The following WSCD1 variants were observed in gnomAD, a reference collection of about 807,000 sequenced individuals.
WSCD1 encodes the protein sialate:O-sulfotransferase 1.
WSCD1 carries 41 observed loss-of-function variants against 60.4 expected under a neutral mutation model. That is an observed-to-expected ratio of 0.68 (90% CI 0.53 to 0.88). The LOEUF (loss-of-function observed/expected upper bound fraction) is 0.88. Among genes scored for constraint, WSCD1 ranks in the 40% least tolerant of loss-of-function variants. WSCD1 has a pLI of 0.00. For synonymous variants in WSCD1, 361 were observed against 332.5 expected, an observed-to-expected ratio of 1.09 and a Z score of -0.93; for missense variants, 784 against 796.2, an observed-to-expected ratio of 0.98 and a Z score of 0.18.
At chr17:6,079,584 A>C (rs1026960400) in intron 1 of WSCD1, among the ~76,000 whole-genome samples, 1 of 152,078 alleles carries the variant, frequency 6.6e-6, no homozygotes, top group African/African-American at 2.4e-5. Flanking sequence ...TGGTCCTTTG[A>C]TTCTGGCCTC....
At chr17:6,073,201 T>C (rs1908649339) in intron 1 of WSCD1, among the ~76,000 whole-genome samples, 1 of 152,236 alleles carries the variant, frequency 6.6e-6, no homozygotes, top group South Asian at 2.1e-4. Flanking sequence ...CTTGTCCACC[T>C]GTATCCAACT....
In WSCD1 at chr17:6,075,375, C is replaced by G. The variant is rs1010889691; in HGVS notation, c.-289+4723C>G. On this transcript the variant is annotated intron_variant, in intron 1 of 8. Coordinates refer to ENST00000317744, the MANE Select transcript of WSCD1 (RefSeq NM_015253.2). The surrounding 1 kb of genome is among the most constrained non-coding windows in gnomAD (Gnocchi z 4.1). Reference sequence around the variant, plus strand: ...CCAGCTCCGAGTTCTATCTTGCAGCCCCCAGCCCCAGGGACTGCCTCCTCT... The same window carrying G: ...CCAGCTCCGAGTTCTATCTTGCAGCGCCCAGCCCCAGGGACTGCCTCCTCT... 6.6e-6 allele frequency among the ~76,000 whole-genome samples: 1 copy of G among 152,100 alleles called. No individual in the cohort carries two copies. Among genetic ancestry groups the G allele is most frequent in the Admixed American group, 6.6e-5 (1 of 15,266 alleles).
intron 5 of WSCD1, among the ~76,000 whole-genome samples, chr17:6,107,900 G>T (rs879114204): frequency 1.1e-4 from 17 of 152,162 alleles, no homozygotes; most frequent in Admixed American, 1.1e-3. Context: ...GTGGTGTAGG[G>T]GCCGTGAGGA....
chr17:6,098,670 G>A (rs989069774), intron 5 of WSCD1, among the ~76,000 whole-genome samples: 5 of 152,226 alleles, frequency 3.3e-5, no homozygotes, highest in Admixed American at 2.6e-4. Context: ...GACTGGGAGG[G>A]TGGTGTTTCC....
Position 6,120,725 on chromosome 17 carries a change from C to A in WSCD1, c.*64C>A. The A allele has an allele frequency of 6.6e-7, 1 of 1,513,040 alleles. No individual in the cohort carries two copies. The highest frequency in any genetic ancestry group is 8.9e-7 in the Non-Finnish European group (1 of 1,118,732). 93.7% of individuals were successfully genotyped at this position (1,513,040 alleles called of 1,614,324 possible). A position where few individuals can be genotyped will look rare whatever the true frequency, so the allele number is the denominator to read the frequency against. Reference sequence around the variant, plus strand: ...AATCGCACCACGGGGCTGCGCTCCCCACTCTGATGCTCAGGCCCGTGGCCT... The same window carrying A: ...AATCGCACCACGGGGCTGCGCTCCCAACTCTGATGCTCAGGCCCGTGGCCT... On this transcript the variant is annotated 3_prime_UTR_variant, in exon 9 of 9. Transcript: ENST00000317744.
At chr17:6,112,990 G>A (rs1280958406) in intron 7 of WSCD1, among the ~76,000 whole-genome samples, 1 of 152,040 alleles carries the variant, frequency 6.6e-6, no homozygotes, top group Non-Finnish European at 1.5e-5. Flanking sequence ...AATAGCCAAG[G>A]CAATTCTGAG....
At chr17:6,111,035 A>T in intron 7 of WSCD1, 100 bp downstream of exon 7, 1 of 1,437,746 alleles carries the variant, frequency 7.0e-7, no homozygotes. Context: ...GTGCATCTCA[A>T]ACTTGAGTGT....
intron 1 of WSCD1, among the ~76,000 whole-genome samples, chr17:6,073,514 C>T (rs1908667407): frequency 6.6e-6 from 1 of 152,208 alleles, no homozygotes; most frequent in African/African-American, 2.4e-5. Flanking sequence ...CCTGTAATCC[C>T]AGCTACTAGG....
chr17:6,093,280 A>T (rs972948415), intron 4 of WSCD1, among the ~76,000 whole-genome samples: 2 of 152,204 alleles, frequency 1.3e-5, no homozygotes, highest in African/African-American at 4.8e-5. Context: ...CAGTATATGC[A>T]GTGCCTTCCT....
intron 2 of WSCD1, 112 bp from the exon 3 acceptor site, chr17:6,087,878 G>T: frequency 1.3e-6 from 1 of 793,008 alleles, no homozygotes; most frequent in Non-Finnish European, 2.1e-6. Flanking sequence ...TCATCTCCCG[G>T]GTTTCTCTGA....
At position 6,090,170 on chromosome 17, in the gene WSCD1, A is replaced by G. The variant is rs1254321217; in HGVS notation, c.543-151A>G. ...TATGTAACTAACCTGCACGTTGTGC[A>G]CATGTACCCTAAAACTTAAAGTATA... is the stretch of plus-strand genomic sequence containing the variant. On this transcript the variant is annotated intron_variant, in intron 3 of 8. Coordinates refer to ENST00000317744, the MANE Select transcript of WSCD1 (RefSeq NM_015253.2). 9.2e-6 allele frequency: 7 copies of G among 758,018 alleles called. No individual in the cohort carries two copies. The African/African-American group carries it at 1.3e-4, about 14-fold the overall frequency. 47.0% of individuals were successfully genotyped at this position (758,018 alleles called of 1,614,324 possible).
chr17:6,081,724 A>T (rs1391893480), intron 2 of WSCD1, among the ~76,000 whole-genome samples: 2 of 152,120 alleles, frequency 1.3e-5, no homozygotes, highest in Non-Finnish European at 2.9e-5. Context: ...AAAAAAAAAA[A>T]ATTAGACGTG....
Position 6,110,130 on chromosome 17 carries a change from G to A in WSCD1, c.1009+364G>A, listed in dbSNP as rs537051037. ...ATCCCAGGAGCTGCAGGGGCCACTG[G>A]TGCCTCCAGGACCTGGGAACCCTCC... On this transcript the variant is annotated intron_variant, in intron 6 of 8. Coordinates refer to ENST00000317744, the MANE Select transcript of WSCD1 (RefSeq NM_015253.2). This position sits in a 1 kb window ranked among gnomAD's most constrained non-coding sequence, Gnocchi z 4.8. Among the ~76,000 whole-genome samples the A allele has an allele frequency of 1.3e-5, 2 of 152,238 alleles. No individual in the cohort carries two copies. The highest frequency in any genetic ancestry group is 2.1e-4 in the South Asian group (1 of 4,814).
chr17:6,118,119 G>A lies in WSCD1; in HGVS notation c.1306G>A (p.Val436Met), dbSNP rs1597372077. 6.2e-7 allele frequency: 1 copy of A among 1,614,200 alleles called. No individual in the cohort carries two copies. ...AATCCGGAACCCATACAGGTCCCTGGTGGCAGAATTCAACAGAAAATGTGC... is the reference window on the plus strand; with the variant it reads ...AATCCGGAACCCATACAGGTCCCTGATGGCAGAATTCAACAGAAAATGTGC... ...LLIRNPYRSL[V>M]AEFNRKCAGH... The change falls in exon 8 of 9, where the codon GTG (valine) becomes ATG (methionine). Residue 436 changes from valine (V) to methionine (M), a missense_variant. Coordinates refer to ENST00000317744, the MANE Select transcript of WSCD1 (RefSeq NM_015253.2). This position sits in a 1 kb window ranked among gnomAD's most constrained non-coding sequence, Gnocchi z 5.8.
chr17:6,109,784 G>T lies in WSCD1; in HGVS notation c.1009+18G>T. The T allele has an allele frequency of 6.2e-7, 1 of 1,604,056 alleles. No homozygotes were observed. The highest frequency in any genetic ancestry group is 8.5e-7 in the Non-Finnish European group (1 of 1,172,276). Reference sequence around the variant, plus strand: ...TGTGCAAGGTGGGTTCTGCATCCCCGACTGGTAGTGGCATTTGGTCTGGGG... The same window carrying T: ...TGTGCAAGGTGGGTTCTGCATCCCCTACTGGTAGTGGCATTTGGTCTGGGG... On this transcript the variant is annotated intron_variant, in intron 6 of 8. Transcript: ENST00000317744.
chr17:6,102,160 T>C lies in WSCD1; in HGVS notation c.849+6937T>C, dbSNP rs143028284. On this transcript the variant is annotated intron_variant, in intron 5 of 8. Coordinates refer to ENST00000317744, the MANE Select transcript of WSCD1 (RefSeq NM_015253.2). ...TCCCATTGACATTTCTTCTAAGTTT[T>C]TTTGCTTGTTTGGCCATTTAATGGT... Among the ~76,000 whole-genome samples, 614 of 152,386 alleles carry C rather than the reference T, an allele frequency of 4.0e-3. 6 individuals carry two copies. The highest frequency in any genetic ancestry group is 0.014 in the African/African-American group (591 of 41,590).
intron 4 of WSCD1, among the ~76,000 whole-genome samples, chr17:6,093,807 GGCAGAGTT>G (rs1910208918): frequency 6.6e-6 from 1 of 152,178 alleles, no homozygotes; most frequent in African/African-American, 2.4e-5. Context: ...CCCGAGACAT[GGCAGAGTT>G]GCAGAGCTGG....
At chr17:6,100,249 C>A in intron 5 of WSCD1, among the ~76,000 whole-genome samples, 1 of 152,112 alleles carries the variant, frequency 6.6e-6, no homozygotes, top group Admixed American at 6.5e-5. Context: ...GGCAGCTGAC[C>A]TGTCCAATGT....
At chr17:6,106,255 G>T (rs1242268907) in intron 5 of WSCD1, among the ~76,000 whole-genome samples, 1 of 152,228 alleles carries the variant, frequency 6.6e-6, no homozygotes. Context: ...GGAATCATAG[G>T]TGTTTACCCA....
Sources: allele counts gnomAD v4.1 joint callset (sites outside exome capture counted in the v4.1 genomes callset), GRCh38; gene constraint gnomAD v4.1.1; non-coding constraint Gnocchi (gnomAD v3.1); transcripts MANE v1.5; gene names NCBI Gene and HGNC (gene_info 2026-07-23, HGNC 2026-07-21).